The following ASCC2 variants were observed in gnomAD, a reference collection of about 807,000 sequenced individuals.
ASCC2 encodes the protein activating signal cointegrator 1 complex subunit 2, also known as ASC-1 complex subunit P100.
In ASCC2, 42 loss-of-function variants were observed where a neutral mutation model predicts 93.5. That is an observed-to-expected ratio of 0.45 (90% CI 0.35 to 0.58). The LOEUF (loss-of-function observed/expected upper bound fraction) is 0.58, where lower values mean the gene tolerates loss of function less well. Ranked by LOEUF, ASCC2 falls within the 20% of genes least tolerant of loss-of-function variation. ASCC2 has a pLI of 0.00. For synonymous variants in ASCC2, 364 were observed against 384.2 expected (o/e 0.95, Z 0.62); for missense variants, 859 against 977.6 (o/e 0.88, Z 1.62).
At chr22:29,815,983 T>G (rs1348053405) in intron 6 of ASCC2, 23 bp downstream of exon 6, 1 of 1,564,992 alleles carries the variant, frequency 6.4e-7, no homozygotes. Flanking sequence ...CAACCTCCCC[T>G]GCGCAGGGCC....
chr22:29,827,703 TG>T (rs1236607218), intron 2 of ASCC2: 1 of 441,180 alleles, frequency 2.3e-6, no homozygotes, highest in Non-Finnish European at 4.7e-6. Context: ...TTCTATCTGT[TG>T]GCACTTTACC....
At chr22:29,804,917 T>C (rs927192844) in intron 12 of ASCC2, 87 bp from the exon 13 acceptor site, 1 of 1,432,748 alleles carries the variant, frequency 7.0e-7, no homozygotes, top group Admixed American at 1.8e-5. Context: ...TCTGACCACA[T>C]GGTTCCTGCC....
At chr22:29,790,051 G>A (rs1186416110) in intron 19 of ASCC2, among the ~76,000 whole-genome samples, 6 of 152,156 alleles carry the variant, frequency 3.9e-5, no homozygotes, top group African/African-American at 1.2e-4. Flanking sequence ...TCAAGTGCCC[G>A]TCACTTCCAT....
chr22:29,813,446 G>A lies in ASCC2; in HGVS notation c.817C>T (p.His273Tyr), dbSNP rs1278345998. 6.2e-7 allele frequency: 1 copy of A among 1,612,114 alleles called. No homozygotes were observed. The highest frequency in any genetic ancestry group is 8.5e-7 in the Non-Finnish European group (1 of 1,178,214). The change falls in exon 8 of 20, where the codon CAC (histidine) becomes TAC (tyrosine). Residue 273 changes from histidine to tyrosine, a missense_variant. His to Tyr is a moderately conservative substitution (Grantham distance 83, BLOSUM62 2). Transcript: ENST00000307790. The part of the protein sequence containing the change: ...FPLACQTFQK[H>Y]DFCYRLASFY... ...CCGCCTTACCTGTAACAAAAGTCGT[G>A]CTTCTGGAAGGTCTGGCAAGCCAAA...
chr22:29,833,484 A>G, intron 1 of ASCC2: 1 of 419,120 alleles, frequency 2.4e-6, no homozygotes, highest in South Asian at 1.7e-5. Context: ...CCAGGGAAAA[A>G]GATAATTCAT....
At chr22:29,803,678 T>C (rs1205640312) in intron 13 of ASCC2, among the ~76,000 whole-genome samples, 1 of 152,232 alleles carries the variant, frequency 6.6e-6, no homozygotes, top group African/African-American at 2.4e-5. Context: ...GCATTTTATA[T>C]ATTGCTCAAT....
At chr22:29,811,826 T>A (rs530925837) in intron 8 of ASCC2, among the ~76,000 whole-genome samples, 24 of 152,340 alleles carry the variant, frequency 1.6e-4, no homozygotes, top group Admixed American at 1.1e-3. Flanking sequence ...GGAAACACTT[T>A]AACAAAATGG....
At chr22:29,827,701 G>C in intron 2 of ASCC2, 2 of 439,814 alleles carry the variant, frequency 4.5e-6, no homozygotes, top group South Asian at 3.4e-5. Context: ...TCTTCTATCT[G>C]TTGGCACTTT....
intron 5 of ASCC2, among the ~76,000 whole-genome samples, chr22:29,817,780 G>A (rs190111342): frequency 2.6e-5 from 4 of 152,272 alleles, no homozygotes; most frequent in East Asian, 3.9e-4. Context: ...TGACAGTGAC[G>A]ATGTAACTTT....
intron 7 of ASCC2, among the ~76,000 whole-genome samples, chr22:29,814,362 A>G (rs1194220430): frequency 6.6e-6 from 1 of 152,278 alleles, no homozygotes; most frequent in Non-Finnish European, 1.5e-5. Flanking sequence ...GGCTCAATGA[A>G]TAACGCACAA....
rs751960972 is a variant in ASCC2 at position 29,825,189 on chromosome 22, G to A, written c.309C>T (p.Asp103=). The A allele has an allele frequency of 9.0e-6, 14 of 1,563,980 alleles. No individual in the cohort carries two copies. Among genetic ancestry groups the A allele is most frequent in the East Asian group, 4.7e-5 (2 of 42,710 alleles). ...CCTCAGGGGCTGAGGCCACCCCCTC[G>A]TCGAATTTGCGGGGGACATAGCGCA... The part of the protein sequence containing the change: ...SYLRYVPRKF[D]EGVASAPEVV... Residue 103 remains aspartate (D), a synonymous_variant, in exon 4 of 20, where the codon GAC becomes GAT. Coordinates refer to ENST00000307790, the MANE Select transcript of ASCC2 (RefSeq NM_032204.5). The surrounding 1 kb of genome is among the most constrained non-coding windows in gnomAD (Gnocchi z 4.9).
Position 29,806,917 on chromosome 22 carries a change from GA to G in ASCC2, c.909-14del, listed in dbSNP as rs1307779238. ...GTCACCAAGAAGCCTAGGCCAGAGA[GA>G]AAAAAGACACAGGTTTAGGAGACAA... On this transcript the variant is annotated splice_polypyrimidine_tract_variant and intron_variant, in intron 9 of 19. Coordinates refer to ENST00000307790, the MANE Select transcript of ASCC2 (RefSeq NM_032204.5). 1 of 1,600,268 alleles carries G rather than the reference GA, an allele frequency of 6.2e-7. No individual in the cohort carries two copies. The highest frequency in any genetic ancestry group is 1.3e-5 in the African/African-American group (1 of 74,410).
Position 29,801,007 on chromosome 22 carries a change from C to G in ASCC2, c.1672G>C (p.Val558Leu). 3.1e-6 allele frequency: 5 copies of G among 1,596,676 alleles called. No homozygotes were observed. Among genetic ancestry groups the G allele is most frequent in the Non-Finnish European group, 3.4e-6 (4 of 1,166,502 alleles). The change falls in exon 15 of 20, where the codon GTG becomes CTG. Residue 558 changes from valine (V) to leucine (L), a missense_variant. Val to Leu is a conservative substitution (Grantham distance 32, BLOSUM62 1). Transcript: ENST00000307790. ...TGCACTCACCTCTTGCCCTTGTGCA[C>G]CCGGCTCAGGTCTACTGAGTCCCTG... is the stretch of plus-strand genomic sequence containing the variant. Reference protein sequence around the residue: ...FSRDSVDLSRVHKGKSTRKEE... With the variant: ...FSRDSVDLSRLHKGKSTRKEE...
At chr22:29,813,125 C>T (rs965496806) in intron 8 of ASCC2, among the ~76,000 whole-genome samples, 1 of 152,158 alleles carries the variant, frequency 6.6e-6, no homozygotes, top group Non-Finnish European at 1.5e-5. Flanking sequence ...AGGTGATCCA[C>T]CCGCCTCGGC....
chr22:29,810,935 T>C (rs1283710093), intron 8 of ASCC2, among the ~76,000 whole-genome samples: 1 of 152,186 alleles, frequency 6.6e-6, no homozygotes, highest in African/African-American at 2.4e-5. Context: ...TTCACCATGT[T>C]GGCCAGGCTG....
At chr22:29,821,768 G>C in intron 5 of ASCC2, 2 of 315,084 alleles carry the variant, frequency 6.3e-6, no homozygotes, top group Non-Finnish European at 1.2e-5. Context: ...GCTAAAGCAG[G>C]AGGATGACTT....
chr22:29,793,515 G>A lies in ASCC2; in HGVS notation c.1789-25C>T, dbSNP rs185631950. On this transcript the variant is annotated intron_variant, in intron 16 of 19. Transcript: ENST00000307790. ...CCTGCAATGGCATAAGCATGGGTCT[G>A]GGGGGCTCAGGGGCTGGCCTGGTTT... is the stretch of plus-strand genomic sequence containing the variant. 1.7e-4 allele frequency: 270 copies of A among 1,613,926 alleles called. 1 individual carries two copies. In the East Asian group the frequency reaches 5.7e-3, roughly 34 times the overall value.
Position 29,825,080 on chromosome 22 carries a change from G to A in ASCC2, c.411+7C>T. 1 of 1,466,356 alleles carries A rather than the reference G, an allele frequency of 6.8e-7. No individual in the cohort carries two copies. The allele number at this position is 1,466,356 out of a possible 1,614,324, so 90.8% of individuals were successfully genotyped here. On this transcript the variant is annotated splice_region_variant and intron_variant, in intron 4 of 19. Coordinates refer to ENST00000307790, the MANE Select transcript of ASCC2 (RefSeq NM_032204.5). The surrounding 1 kb of genome is among the most constrained non-coding windows in gnomAD (Gnocchi z 4.9). Reference sequence around the variant, plus strand: ...GGTGATGACCTGTCATGGGATCAGTGGCTTACTTTGGATTCCTTGTGAGTG... The same window carrying A: ...GGTGATGACCTGTCATGGGATCAGTAGCTTACTTTGGATTCCTTGTGAGTG...
At chr22:29,836,019 G>A (rs527282961) in intron 1 of ASCC2, among the ~76,000 whole-genome samples, 8 of 152,140 alleles carry the variant, frequency 5.3e-5, no homozygotes, top group East Asian at 1.9e-4. Flanking sequence ...GCTTTGGGTC[G>A]GGTGAGGTGG....
Sources: allele counts gnomAD v4.1 joint callset (sites outside exome capture counted in the v4.1 genomes callset), GRCh38; gene constraint gnomAD v4.1.1; non-coding constraint Gnocchi (gnomAD v3.1); transcripts MANE v1.5; gene names NCBI Gene and HGNC (gene_info 2026-07-23, HGNC 2026-07-21).